The following ESRRG variants were observed in gnomAD, a reference collection of about 807,000 sequenced individuals.
ESRRG encodes estrogen-related receptor gamma.
In ESRRG, 13 loss-of-function variants were observed where a neutral mutation model predicts 44.0. The ratio of observed to expected loss-of-function variants is 0.30; its 90% CI spans 0.19 to 0.47. ESRRG has a LOEUF of 0.47. Among genes scored for constraint, ESRRG ranks in the 20% least tolerant of loss-of-function variants. ESRRG has a pLI of 1.00. For missense variants in ESRRG, 395 were observed against 580.6 expected (o/e 0.68, Z 3.29); for synonymous variants, 215 against 214.6 (o/e 1.00, Z -0.02).
At chr1:216,773,574 A>C (rs2093469647) in intron 2 of ESRRG, among the ~76,000 whole-genome samples, 1 of 152,140 alleles carries the variant, frequency 6.6e-6, no homozygotes, top group Admixed American at 6.6e-5. Flanking sequence ...AGAAAATAAG[A>C]AGGTCTCAGG....
intron 2 of ESRRG, among the ~76,000 whole-genome samples, chr1:216,753,636 A>C (rs2092246567): frequency 6.6e-6 from 1 of 152,126 alleles, no homozygotes; most frequent in Admixed American, 6.6e-5. Flanking sequence ...TAGTTGTGCA[A>C]ATACATAAAA....
At chr1:216,674,275 C>A (rs1266652102) in intron 2 of ESRRG, among the ~76,000 whole-genome samples, 1 of 152,040 alleles carries the variant, frequency 6.6e-6, no homozygotes, top group African/African-American at 2.4e-5. Context: ...TGTGCACAGA[C>A]CATTGTTTTT....
chr1:216,970,174 C>A lies in ESRRG; in HGVS notation c.-105-30501G>T, dbSNP rs569704561. On this transcript the variant is annotated intron_variant, in intron 1 of 7. Transcript: ENST00000359162. The stretch of plus-strand genomic sequence containing the variant: ...AAATGCTAAGAATCACCCATGGAAA[C>A]ATTACTGAAGCCACCAGAGTTTTAC... 9.5e-4 allele frequency among the ~76,000 whole-genome samples: 144 copies of A among 152,134 alleles called. 1 individual carries two copies. Among genetic ancestry groups the A allele is most frequent in the Non-Finnish European group, 1.8e-3 (122 of 68,032 alleles).
At chr1:216,986,247 C>T (rs2074840731) in intron 1 of ESRRG, among the ~76,000 whole-genome samples, 1 of 152,132 alleles carries the variant, frequency 6.6e-6, no homozygotes, top group South Asian at 2.1e-4. Flanking sequence ...TTAGGTGGCT[C>T]ACAATCACAT....
At chr1:216,797,691 A>C (rs1032781114) in intron 2 of ESRRG, among the ~76,000 whole-genome samples, 7 of 152,110 alleles carry the variant, frequency 4.6e-5, no homozygotes, top group African/African-American at 1.7e-4. Flanking sequence ...TTTTTTGGGG[A>C]GGGAGACCAC....
chr1:216,710,785 G>A (rs910708538), intron 1 of ESRRG, among the ~76,000 whole-genome samples: 3 of 149,690 alleles, frequency 2.0e-5, no homozygotes, highest in East Asian at 2.0e-4. Flanking sequence ...CCCCCACCCC[G>A]CTGCACTGCA....
intron 1 of ESRRG, among the ~76,000 whole-genome samples, chr1:217,080,743 T>C (rs1358145052): frequency 6.7e-6 from 1 of 148,700 alleles, no homozygotes; most frequent in Non-Finnish European, 1.5e-5. Flanking sequence ...AGTGGCGCCA[T>C]CTTGGCTCAC....
chr1:216,805,412 A>G (rs2094757407), intron 2 of ESRRG: 2 of 152,198 alleles, frequency 1.3e-5, no homozygotes, highest in Admixed American at 6.6e-5. Context: ...CTGGGTTTTT[A>G]AAGTGCTGGA....
chr1:216,914,139 A>C (rs756004984), intron 2 of ESRRG, among the ~76,000 whole-genome samples: 22 of 151,836 alleles, frequency 1.4e-4, no homozygotes, highest in Non-Finnish European at 2.8e-4. Context: ...GTCTTCCTGT[A>C]CTGCTATTTC....
In ESRRG at chr1:216,538,881, T is replaced by A. The variant is rs562382670; in HGVS notation, c.863-19460A>T. Among the ~76,000 whole-genome samples the A allele has an allele frequency of 1.2e-4, 18 of 152,134 alleles. No homozygotes were observed. In the South Asian group the frequency reaches 1.2e-3, roughly 11 times the overall value. On this transcript the variant is annotated intron_variant, in intron 5 of 6. Transcript: ENST00000408911. ...GCTCAGGAAATGATTTTAGAAGTTA[T>A]CTTATGCAGAATATTCATCGAACAG...
At position 216,730,787 on chromosome 1, in the gene ESRRG, C is replaced by T. The variant is rs140912516; in HGVS notation, c.-13-53296G>A. On this transcript the variant is annotated intron_variant, in intron 2 of 7. Coordinates refer to the ESRRG transcript ENST00000359162. ...TGGAAAAAATAGGTAAATGGTGAGG[C>T]GGAAAGTTGGTAGAAAAAGATAAAA... 1.9e-3 allele frequency among the ~76,000 whole-genome samples: 287 copies of T among 151,878 alleles called. 7 individuals carry two copies. The East Asian group carries it at 0.042, about 22-fold the overall frequency.
At chr1:216,754,270 T>TCCCTC (rs1256966838) in intron 2 of ESRRG, among the ~76,000 whole-genome samples, 1 of 151,972 alleles carries the variant, frequency 6.6e-6, no homozygotes, top group Non-Finnish European at 1.5e-5. Context: ...TCCCAGGCCT[T>TCCCTC]CCCTCCAGAA....
intron 2 of ESRRG, among the ~76,000 whole-genome samples, chr1:216,847,494 C>T (rs761903977): frequency 9.2e-5 from 14 of 151,932 alleles, no homozygotes; most frequent in African/African-American, 1.4e-4. Flanking sequence ...GGAGTATGAA[C>T]GCTTTTTGCA....
chr1:216,943,793 C>T (rs1437952218), intron 1 of ESRRG, among the ~76,000 whole-genome samples: 1 of 152,044 alleles, frequency 6.6e-6, no homozygotes, highest in Non-Finnish European at 1.5e-5. Context: ...TTTCTAGATC[C>T]CCTACCATAC....
At chr1:216,925,657 G>C (rs551362541) in intron 2 of ESRRG, among the ~76,000 whole-genome samples, 1 of 151,824 alleles carries the variant, frequency 6.6e-6, no homozygotes, top group African/African-American at 2.4e-5. Context: ...TTTATTCAAA[G>C]TGGGTCTGCT....
chr1:216,838,503 T>C (rs2148839842), intron 2 of ESRRG, among the ~76,000 whole-genome samples: 1 of 152,292 alleles, frequency 6.6e-6, no homozygotes, highest in East Asian at 1.9e-4. Context: ...TTTAGAGGAA[T>C]ACAGTGATTT....
In ESRRG at chr1:217,129,051, C is replaced by A. The variant is rs4846816; in HGVS notation, c.-230+8616G>T. Among the ~76,000 whole-genome samples the A allele has an allele frequency of 2.0e-3, 310 of 152,096 alleles. 3 individuals are homozygous for A. The East Asian group carries it at 0.026, about 13-fold the overall frequency. On this transcript the variant is annotated intron_variant, in intron 1 of 8. Transcript: ENST00000366940. ...CACTATCAACAAAGTGTTAAAAAAA[C>A]CCACAGAATAAGAGAAAATACAAAT...
intron 1 of ESRRG, among the ~76,000 whole-genome samples, chr1:217,116,518 G>T (rs2092730549): frequency 6.6e-6 from 1 of 152,190 alleles, no homozygotes. Context: ...TATAGGGAAA[G>T]CAGTTTCCCA....
chr1:216,821,624 G>A (rs981491545), intron 2 of ESRRG, among the ~76,000 whole-genome samples: 2 of 149,076 alleles, frequency 1.3e-5, no homozygotes, highest in Non-Finnish European at 3.0e-5. Context: ...GTTTGAGGTT[G>A]GAATGAGCCA....
Sources: gnomAD v4.1 joint callset for allele counts (sites outside exome capture counted in the v4.1 genomes callset) on GRCh38, gnomAD v4.1.1 for gene constraint, MANE v1.5 for transcripts, NCBI Gene and HGNC (gene_info 2026-07-23, HGNC 2026-07-21) for gene names.